The following TGFBR3 variants were observed in gnomAD, a reference collection of about 807,000 sequenced individuals.
TGFBR3 encodes transforming growth factor beta receptor 3, also known as transforming growth factor beta receptor type 3.
A neutral mutation model predicts 87.9 loss-of-function variants in TGFBR3; 46 were observed. The observed-to-expected ratio is 0.52, with a 90% CI of 0.41 to 0.67. The LOEUF is 0.67. TGFBR3 is among the 30% of genes least tolerant of loss of function. The probability of loss-of-function intolerance (pLI) is 0.00; values close to 1 mark genes in which losing one functional copy is unlikely to be tolerated. For missense variants in TGFBR3, 866 were observed against 1,041.9 expected (o/e 0.83, Z 2.32); for synonymous variants, 381 against 391.6 (o/e 0.97, Z 0.32).
At chr1:91,731,753 C>T (rs1327459754) in intron 5 of TGFBR3, among the ~76,000 whole-genome samples, 3 of 152,164 alleles carry the variant, frequency 2.0e-5, no homozygotes, top group East Asian at 1.9e-4. Flanking sequence ...GTATCTGGCA[C>T]ATAGTGGGCA....
At chr1:91,895,836 T>C (rs1431400924) in intron 2 of TGFBR3, among the ~76,000 whole-genome samples, 1 of 152,178 alleles carries the variant, frequency 6.6e-6, no homozygotes, top group African/African-American at 2.4e-5. Flanking sequence ...TCTCTGTAAA[T>C]AGCCCTGCTG....
chr1:91,904,149 A>G (rs938538068), intron 1 of TGFBR3, among the ~76,000 whole-genome samples: 5 of 152,210 alleles, frequency 3.3e-5, no homozygotes, highest in African/African-American at 1.2e-4. Context: ...GTGCCACTGC[A>G]CTCCAACCTG....
chr1:91,873,730 T>C (rs1678678474), intron 1 of TGFBR3, among the ~76,000 whole-genome samples: 2 of 152,012 alleles, frequency 1.3e-5, no homozygotes, highest in Admixed American at 1.3e-4. Context: ...GTGGATCACT[T>C]GAGATCAGAA....
At chr1:91,729,723 G>C in intron 6 of TGFBR3, 82 bp downstream of exon 6, 4 of 1,527,858 alleles carry the variant, frequency 2.6e-6, no homozygotes, top group East Asian at 2.3e-5. Context: ...GGTGTAGGAC[G>C]GGCTACACCT....
intron 2 of TGFBR3, among the ~76,000 whole-genome samples, chr1:91,856,052 G>A (rs1677932042): frequency 6.6e-6 from 1 of 151,930 alleles, no homozygotes; most frequent in Non-Finnish European, 1.5e-5. Flanking sequence ...ACGAGGGAGG[G>A]GAGGGAAAGC....
chr1:91,868,027 CTT>C (rs1678448424), intron 1 of TGFBR3, among the ~76,000 whole-genome samples: 1 of 152,216 alleles, frequency 6.6e-6, no homozygotes, highest in South Asian at 2.1e-4. Context: ...AAGCAATTCT[CTT>C]GTCTCAGCCT....
chr1:91,834,914 C>T (rs575652241), intron 2 of TGFBR3, among the ~76,000 whole-genome samples: 9 of 152,222 alleles, frequency 5.9e-5, no homozygotes, highest in Middle Eastern at 3.4e-3. Flanking sequence ...TCCTGACCTC[C>T]GGTGATCCAC....
intron 4 of TGFBR3, among the ~76,000 whole-genome samples, chr1:91,738,361 C>G (rs1673035629): frequency 6.6e-6 from 1 of 152,212 alleles, no homozygotes; most frequent in Admixed American, 6.5e-5. Flanking sequence ...TGGTAACCCC[C>G]AACGTTTCAC....
intron 1 of TGFBR3, among the ~76,000 whole-genome samples, chr1:91,876,490 A>C (rs1475120542): frequency 6.6e-6 from 1 of 152,148 alleles, no homozygotes; most frequent in East Asian, 1.9e-4. Flanking sequence ...TTCCCACACT[A>C]ACATCCCTAG....
chr1:91,828,143 C>T (rs1329830202), intron 2 of TGFBR3, among the ~76,000 whole-genome samples: 3 of 152,152 alleles, frequency 2.0e-5, no homozygotes, highest in African/African-American at 7.2e-5. Context: ...TATCCCTTCC[C>T]CAAGATAACT....
chr1:91,722,320 G>A lies in TGFBR3; in HGVS notation c.886-176C>T, dbSNP rs150303668. 3.8e-4 allele frequency among the ~76,000 whole-genome samples: 58 copies of A among 152,102 alleles called. 1 individual carries two copies. In the East Asian group the frequency reaches 4.1e-3, roughly 11 times the overall value. On this transcript the variant is annotated intron_variant, in intron 7 of 16. Coordinates refer to ENST00000212355, the MANE Select transcript of TGFBR3 (RefSeq NM_003243.5). ...ATGATGTGAAAAACCTTTAATAGCC[G>A]ACTAAAAGACATCTACGTATGCTGC...
At chr1:91,688,151 G>A (rs140606271) in intron 16 of TGFBR3, among the ~76,000 whole-genome samples, 224 of 152,134 alleles carry the variant, frequency 1.5e-3, no homozygotes, top group African/African-American at 4.1e-3. Context: ...TAGAAGTCAC[G>A]GGGAAAAGAC....
chr1:91,759,500 C>T (rs1478771509), intron 3 of TGFBR3, among the ~76,000 whole-genome samples: 4 of 151,436 alleles, frequency 2.6e-5, no homozygotes, highest in Non-Finnish European at 4.4e-5. Context: ...TCATTAACAT[C>T]ACCAAAAAGC....
chr1:91,889,321 C>T (rs1335549646), upstream of TGFBR3, among the ~76,000 whole-genome samples: 1 of 152,038 alleles, frequency 6.6e-6, no homozygotes, highest in African/African-American at 2.4e-5. Flanking sequence ...CCACCGACCT[C>T]AAAACCTGTC....
rs1381225060 is a variant in TGFBR3 at position 91,705,235 on chromosome 1, T to TA, written c.2287+3427_2287+3428insT. Among the ~76,000 whole-genome samples, 295 of 150,898 alleles carry TA rather than the reference T, an allele frequency of 2.0e-3. 2 individuals carry two copies. Among genetic ancestry groups the TA allele is most frequent in the Non-Finnish European group, 3.3e-3 (222 of 67,698 alleles). On this transcript the variant is annotated intron_variant, in intron 14 of 16. Transcript: ENST00000212355. ...GTCACAGTCTCTTTTCTTTTTTTTT[T>TA]TTTTTTTGAGACAGAGTTTTGCTCT...
At chr1:91,724,635 G>A (rs1223539723) in intron 7 of TGFBR3, among the ~76,000 whole-genome samples, 1 of 152,194 alleles carries the variant, frequency 6.6e-6, no homozygotes, top group Non-Finnish European at 1.5e-5. Context: ...TTGTAAAGCA[G>A]CAAGGCTTGG....
At chr1:91,711,652 T>C (rs1671986992) in intron 13 of TGFBR3, among the ~76,000 whole-genome samples, 2 of 152,214 alleles carry the variant, frequency 1.3e-5, no homozygotes, top group South Asian at 2.1e-4. Flanking sequence ...ATAGTTAACC[T>C]TGCAGATCTC....
intron 1 of TGFBR3, chr1:91,861,857 C>CTTTTTT (rs11414154): frequency 2.0e-5 from 5 of 248,948 alleles, no homozygotes; most frequent in South Asian, 3.8e-5. Flanking sequence ...TTGTTATTGG[C>CTTTTTT]TTTTTTTTTT....
upstream of TGFBR3, among the ~76,000 whole-genome samples, chr1:91,888,338 C>G (rs1679379341): frequency 6.6e-6 from 1 of 152,136 alleles, no homozygotes; most frequent in African/African-American, 2.4e-5. Flanking sequence ...AGTATTTATG[C>G]CTTGTTAACA....
Sources: gnomAD v4.1 joint callset for allele counts (sites outside exome capture counted in the v4.1 genomes callset) on GRCh38, gnomAD v4.1.1 for gene constraint, MANE v1.5 for transcripts, NCBI Gene and HGNC (gene_info 2026-07-23, HGNC 2026-07-21) for gene names.